Variants in CNTNAP2 observed in about 807,000 individuals in gnomAD.
The protein encoded by CNTNAP2 is contactin associated protein 2.
CNTNAP2 carries 98 observed loss-of-function variants against 155.2 expected under a neutral mutation model. The ratio of observed to expected loss-of-function variants is 0.63; its 90% CI spans 0.54 to 0.75. CNTNAP2 has a LOEUF of 0.75. Ranked by LOEUF, CNTNAP2 falls within the 30% of genes least tolerant of loss-of-function variation. The pLI is 0.00. For missense variants in CNTNAP2, 1,727 were observed against 1,688.1 expected, an observed-to-expected ratio of 1.02 and a Z score of -0.40; for synonymous variants, 651 against 631.2, an observed-to-expected ratio of 1.03 and a Z score of -0.47.
chr7:147,320,120 T>C (rs1006330642), intron 9 of CNTNAP2, among the ~76,000 whole-genome samples: 3 of 152,184 alleles, frequency 2.0e-5, no homozygotes, highest in Admixed American at 6.5e-5. Flanking sequence ...TTTTCCACCA[T>C]CTTTAGTACA....
intron 1 of CNTNAP2, among the ~76,000 whole-genome samples, chr7:146,158,501 A>T (rs919998296): frequency 2.4e-4 from 36 of 152,210 alleles, no homozygotes; most frequent in Admixed American, 2.4e-3. Flanking sequence ...TTGAAAAAAG[A>T]TTAAACGAAT....
chr7:147,165,617 AG>A, intron 8 of CNTNAP2, among the ~76,000 whole-genome samples: 1 of 152,260 alleles, frequency 6.6e-6, no homozygotes, highest in Non-Finnish European at 1.5e-5. Flanking sequence ...TTATAGTTGC[AG>A]GTTTTAGATT....
intron 1 of CNTNAP2, among the ~76,000 whole-genome samples, chr7:146,528,930 G>A (rs558832384): frequency 6.6e-6 from 1 of 152,144 alleles, no homozygotes; most frequent in African/African-American, 2.4e-5. Flanking sequence ...AATATATCAA[G>A]AAAGCGGAAG....
chr7:148,405,543 TCTC>T (rs1229245486), intron 22 of CNTNAP2, among the ~76,000 whole-genome samples: 4 of 121,018 alleles, frequency 3.3e-5, no homozygotes. Flanking sequence ...TTCAAGCAAT[TCTC>T]CTGCTTCAGC....
At chr7:148,325,400 G>C (rs566043199) in intron 21 of CNTNAP2, among the ~76,000 whole-genome samples, 1 of 152,192 alleles carries the variant, frequency 6.6e-6, no homozygotes, top group African/African-American at 2.4e-5. Flanking sequence ...AACTTCATTT[G>C]TTTGTCTAAC....
chr7:147,671,150 T>C lies in CNTNAP2; in HGVS notation c.2098+31844T>C, dbSNP rs60012001. On this transcript the variant is annotated intron_variant, in intron 13 of 23. Transcript: ENST00000361727. ...TCCTGCCTGCGCTGAAGCAGCCAGTTGGTTCCAGTGTTTGCGCACTCCAGT... is the reference window on the plus strand; with the variant it reads ...TCCTGCCTGCGCTGAAGCAGCCAGTCGGTTCCAGTGTTTGCGCACTCCAGT... Among the ~76,000 whole-genome samples, 1,029 of 152,320 alleles carry C rather than the reference T, an allele frequency of 6.8e-3. 11 individuals carry two copies. Among genetic ancestry groups the C allele is most frequent in the African/African-American group, 0.024 (980 of 41,562 alleles).
At chr7:147,091,084 G>T (rs1320288884) in intron 4 of CNTNAP2, among the ~76,000 whole-genome samples, 1 of 152,022 alleles carries the variant, frequency 6.6e-6, no homozygotes, top group African/African-American at 2.4e-5. Flanking sequence ...CATGACCCAA[G>T]AAGTATGTAG....
intron 1 of CNTNAP2, among the ~76,000 whole-genome samples, chr7:146,244,374 T>A (rs1399669214): frequency 6.6e-6 from 1 of 151,214 alleles, no homozygotes; most frequent in African/African-American, 2.5e-5. Context: ...AGACACAAGA[T>A]AGTAGGAATG....
At chr7:146,929,577 A>C (rs1796698074) in intron 3 of CNTNAP2, among the ~76,000 whole-genome samples, 1 of 152,210 alleles carries the variant, frequency 6.6e-6, no homozygotes, top group Non-Finnish European at 1.5e-5. Context: ...CAACGGAACA[A>C]AGCTGGACGG....
intron 4 of CNTNAP2, among the ~76,000 whole-genome samples, chr7:147,100,534 T>G (rs1800631961): frequency 6.6e-6 from 1 of 152,244 alleles, no homozygotes; most frequent in Admixed American, 6.5e-5. Context: ...TTTAAACTCA[T>G]ACAGGAGTTC....
rs11406170 is a variant in CNTNAP2 at position 146,836,247 on chromosome 7, A to ATT, written c.209-3456_209-3455dup. Among the ~76,000 whole-genome samples the ATT allele has an allele frequency of 2.7e-3, 414 of 151,054 alleles. 1 individual carries two copies. Among genetic ancestry groups the ATT allele is most frequent in the African/African-American group, 9.5e-3 (392 of 41,096 alleles). On this transcript the variant is annotated intron_variant, in intron 2 of 23. Coordinates refer to ENST00000361727, the MANE Select transcript of CNTNAP2 (RefSeq NM_014141.6). ...TGAAAGGTACAGATTTTAAATTTGT[A>ATT]TTTTTTTTTAAGAGATTAATCTTGG... is the stretch of plus-strand genomic sequence containing the variant.
chr7:147,273,643 G>A (rs1272598258), intron 8 of CNTNAP2, among the ~76,000 whole-genome samples: 4 of 151,278 alleles, frequency 2.6e-5, no homozygotes, highest in African/African-American at 9.7e-5. Flanking sequence ...ATTTGTCTTA[G>A]GATAATGGCC....
intron 3 of CNTNAP2, among the ~76,000 whole-genome samples, chr7:146,971,959 T>C (rs1252633174): frequency 1.8e-4 from 28 of 152,230 alleles, no homozygotes; most frequent in Admixed American, 1.8e-3. Flanking sequence ...GCTAGACTAA[T>C]ACATGTTCAT....
At chr7:147,462,104 A>G (rs565941128) in intron 10 of CNTNAP2, among the ~76,000 whole-genome samples, 26 of 152,050 alleles carry the variant, frequency 1.7e-4, no homozygotes, top group African/African-American at 6.3e-4. Flanking sequence ...GTTCCTTTTC[A>G]TATTCTTAAC....
intron 13 of CNTNAP2, among the ~76,000 whole-genome samples, chr7:147,816,114 G>A (rs183599633): frequency 9.2e-5 from 14 of 152,284 alleles, no homozygotes; most frequent in Non-Finnish European, 1.5e-4. Context: ...ATGAGCAGTC[G>A]TTTTTTATAT....
At chr7:148,205,392 C>T (rs1170823072) in intron 18 of CNTNAP2, among the ~76,000 whole-genome samples, 2 of 152,176 alleles carry the variant, frequency 1.3e-5, no homozygotes, top group Non-Finnish European at 2.9e-5. Context: ...GTTAGCAGCA[C>T]AGAAGCAAAC....
chr7:147,015,090 GT>G (rs756258642), intron 3 of CNTNAP2, among the ~76,000 whole-genome samples: 1,992 of 144,072 alleles, frequency 0.014, 29 homozygotes, highest in East Asian at 0.055. Flanking sequence ...TGACACAGTG[GT>G]TTTTTTTTTT....
At chr7:147,443,319 A>C (rs2116553208) in intron 10 of CNTNAP2, among the ~76,000 whole-genome samples, 1 of 152,192 alleles carries the variant, frequency 6.6e-6, no homozygotes, top group Non-Finnish European at 1.5e-5. Flanking sequence ...GAGTCCAATG[A>C]CTGAAATTGC....
At chr7:147,280,390 G>A (rs1430576315) in intron 8 of CNTNAP2, among the ~76,000 whole-genome samples, 2 of 151,816 alleles carry the variant, frequency 1.3e-5, no homozygotes, top group African/African-American at 2.4e-5. Context: ...TTACAGGGAC[G>A]AAAAAATCTC....
Sources: gnomAD v4.1 joint callset for allele counts (sites outside exome capture counted in the v4.1 genomes callset) on GRCh38, gnomAD v4.1.1 for gene constraint, MANE v1.5 for transcripts, NCBI Gene and HGNC (gene_info 2026-07-23, HGNC 2026-07-21) for gene names.